The following VSIG4 variants were observed in gnomAD, a reference collection of about 807,000 sequenced individuals.
The protein encoded by VSIG4 is V-set and immunoglobulin domain containing 4, also known as V-set and immunoglobulin domain-containing protein 4.
In VSIG4, 34 loss-of-function variants were observed where a neutral mutation model predicts 23.4. The observed-to-expected ratio is 1.45, with a 90% CI of 1.10 to 1.93. VSIG4 has a LOEUF of 1.93. VSIG4 is among the 30% of genes most tolerant of loss of function. The pLI is 0.00. For synonymous variants in VSIG4, 169 were observed against 120.3 expected, an observed-to-expected ratio of 1.41 and a Z score of -2.65; for missense variants, 433 against 310.8, an observed-to-expected ratio of 1.39 and a Z score of -2.96.
intron 3 of VSIG4, among the ~76,000 whole-genome samples, chrX:66,029,131 C>T (rs1438931793): frequency 9.0e-6 from 1 of 111,178 alleles, no homozygotes; most frequent in East Asian, 2.8e-4. Flanking sequence ...CAGCATGCTC[C>T]GTTTTAGATG....
At chrX:66,030,419 C>A (rs769892542) in intron 3 of VSIG4, among the ~76,000 whole-genome samples, 7 of 111,295 alleles carry the variant, frequency 6.3e-5, no homozygotes, top group Non-Finnish European at 1.1e-4. Context: ...TGCATACTGA[C>A]ATATATACAT....
intron 3 of VSIG4, among the ~76,000 whole-genome samples, chrX:66,030,639 C>G (rs2085453828): frequency 9.1e-6 from 1 of 110,270 alleles, no homozygotes; most frequent in South Asian, 3.8e-4. Context: ...AGGGTCTGGA[C>G]CTTCTTACAG....
intron 6 of VSIG4, among the ~76,000 whole-genome samples, chrX:66,023,513 G>T (rs917022559): frequency 1.8e-5 from 2 of 112,457 alleles, no homozygotes; most frequent in Admixed American, 1.9e-4. Flanking sequence ...AAGTAAACAA[G>T]GGAAGCCACA....
chrX:66,036,723 AT>A (rs1426984270), intron 1 of VSIG4, among the ~76,000 whole-genome samples: 2 of 51,881 alleles, frequency 3.9e-5, no homozygotes, highest in Non-Finnish European at 3.1e-5. Flanking sequence ...TAATATATAT[AT>A]TATATAATTA....
At chrX:66,035,251 G>T (rs746762041) in intron 1 of VSIG4, among the ~76,000 whole-genome samples, 1 of 112,048 alleles carries the variant, frequency 8.9e-6, no homozygotes, top group Non-Finnish European at 1.9e-5. Context: ...GGAATGCTTC[G>T]AATTTGGCAG....
intron 1 of VSIG4, among the ~76,000 whole-genome samples, chrX:66,036,787 TA>T (rs1159461718): frequency 2.1e-4 from 8 of 38,792 alleles, no homozygotes; most frequent in East Asian, 9.7e-4. Context: ...TTATATTATA[TA>T]TAATATAATA....
intron 2 of VSIG4, 47 bp downstream of exon 2, chrX:66,033,427 A>G: frequency 9.3e-7 from 1 of 1,079,431 alleles, no homozygotes; most frequent in East Asian, 3.0e-5. Context: ...TACATCCACT[A>G]TTGATTCATT....
At chrX:66,029,537 T>C (rs1212939618) in intron 3 of VSIG4, among the ~76,000 whole-genome samples, 1 of 111,345 alleles carries the variant, frequency 9.0e-6, no homozygotes, top group Non-Finnish European at 1.9e-5. Context: ...CAATAAATAT[T>C]GAATAAGTTG....
intron 1 of VSIG4, among the ~76,000 whole-genome samples, chrX:66,034,775 G>T (rs985635347): frequency 7.3e-5 from 7 of 95,988 alleles, no homozygotes; most frequent in South Asian, 1.6e-3. Flanking sequence ...ATGGGGGTGG[G>T]GGTGGGGAAG....
At chrX:66,022,666 C>G in intron 7 of VSIG4, 166 bp from the exon 8 acceptor site, 1 of 1,127,227 alleles carries the variant, frequency 8.9e-7, no homozygotes, top group Non-Finnish European at 1.2e-6. Flanking sequence ...GTTCAGAGGG[C>G]CAAAACAACC....
chrX:66,038,600 C>T (rs1463058642), intron 1 of VSIG4, among the ~76,000 whole-genome samples: 1 of 111,506 alleles, frequency 9.0e-6, no homozygotes, highest in Non-Finnish European at 1.9e-5. Context: ...AGCCCTAGCT[C>T]AAACCAACAG....
rs193166928 is a variant in VSIG4 at position 66,036,520 on chromosome X, G to C, written c.56-2690C>G. On this transcript the variant is annotated intron_variant, in intron 1 of 7. Transcript: ENST00000374737. ...ACCACATATCTCTCTGTGTGACCTT[G>C]GGTAAATTACTAAACCTATCTGAAC... is the stretch of plus-strand genomic sequence containing the variant. Among the ~76,000 whole-genome samples the C allele has an allele frequency of 7.1e-3, 695 of 98,104 alleles. 7 individuals are homozygous for C. Among genetic ancestry groups the C allele is most frequent in the African/African-American group, 0.025 (665 of 26,641 alleles). The allele number at this position is 98,104 out of a possible 115,157, so 85.2% of individuals were successfully genotyped here. A position where few individuals can be genotyped will look rare whatever the true frequency, so the allele number is the denominator to read the frequency against.
chrX:66,027,063 G>A lies in VSIG4; in HGVS notation c.835+386C>T, dbSNP rs569907802. Reference sequence around the variant, plus strand: ...GAGGAATCAGAAATCAGCTTCAAGCGGCTTGAAGAGCCCTGGTTAAGAGCT... The same window carrying A: ...GAGGAATCAGAAATCAGCTTCAAGCAGCTTGAAGAGCCCTGGTTAAGAGCT... On this transcript the variant is annotated intron_variant, in intron 5 of 7. Transcript: ENST00000374737. Among the ~76,000 whole-genome samples the A allele has an allele frequency of 2.2e-4, 24 of 111,533 alleles. No homozygotes were observed. In the South Asian group the frequency reaches 4.9e-3, roughly 23 times the overall value.
At chrX:66,039,322 G>A (rs929532292) in intron 1 of VSIG4, among the ~76,000 whole-genome samples, 1 of 111,804 alleles carries the variant, frequency 8.9e-6, no homozygotes, top group African/African-American at 3.3e-5. Flanking sequence ...AAGAAGCAAA[G>A]CTGGGGTTTT....
At position 66,022,126 on chromosome X, in the gene VSIG4, G is replaced by T; in HGVS notation, c.*137C>A. ...TGGCAAATTCCAGGGCAAAGCCAGT[G>T]ACTCCCAGCGGCTCCAGTGTTGGTA... On this transcript the variant is annotated 3_prime_UTR_variant, in exon 8 of 8. Coordinates refer to ENST00000374737, the MANE Select transcript of VSIG4 (RefSeq NM_007268.3). 8.4e-7 allele frequency: 1 copy of T among 1,185,990 alleles called. No homozygotes were observed. Among genetic ancestry groups the T allele is most frequent in the South Asian group, 1.9e-5 (1 of 54,024 alleles).
rs1479382791 is a variant in VSIG4 at position 66,035,438 on chromosome X, C to G, written c.56-1608G>C. 2.7e-5 allele frequency among the ~76,000 whole-genome samples: 3 copies of G among 112,103 alleles called. No individual in the cohort carries two copies. In the Admixed American group the frequency reaches 2.8e-4, roughly 11 times the overall value. On this transcript the variant is annotated intron_variant, in intron 1 of 7. Transcript: ENST00000374737. ...CAGAGCTGTCTATGGATGGATTAAACTGTCTGGGGGAAGTTCTAGGCTTTG... is the reference window on the plus strand; with the variant it reads ...CAGAGCTGTCTATGGATGGATTAAAGTGTCTGGGGGAAGTTCTAGGCTTTG...
rs192610068 is a variant in VSIG4, at chrX:66,028,695, T to C, written c.695-583A>G. Among the ~76,000 whole-genome samples the C allele has an allele frequency of 7.6e-3, 823 of 108,838 alleles. 33 individuals are homozygous for C. The highest frequency in any genetic ancestry group is 0.069 in the Admixed American group (699 of 10,130). 94.5% of individuals were successfully genotyped at this position (108,838 alleles called of 115,157 possible). On this transcript the variant is annotated intron_variant, in intron 3 of 7. Coordinates refer to ENST00000374737, the MANE Select transcript of VSIG4 (RefSeq NM_007268.3). ...AGCTTTGTGCTGTTTTAACTTCTCCTAGTCCCCTTACCCCTTCTACCTCAG... is the reference window on the plus strand; with the variant it reads ...AGCTTTGTGCTGTTTTAACTTCTCCCAGTCCCCTTACCCCTTCTACCTCAG...
At chrX:66,039,847 C>G (rs1475350814) in intron 1 of VSIG4, 97 bp downstream of exon 1, 1 of 1,026,753 alleles carries the variant, frequency 9.7e-7, no homozygotes, top group East Asian at 3.2e-5. Flanking sequence ...CTCACCTGCC[C>G]AGTAGGAATA....
chrX:66,025,384 C>T (rs1054426460), intron 5 of VSIG4, among the ~76,000 whole-genome samples: 22 of 111,833 alleles, frequency 2.0e-4, no homozygotes, highest in Admixed American at 2.8e-4. Context: ...GTTGTCTATG[C>T]TTTCTATAGG....
Sources: gnomAD v4.1 joint callset for allele counts (sites outside exome capture counted in the v4.1 genomes callset) on GRCh38, gnomAD v4.1.1 for gene constraint, MANE v1.5 for transcripts, NCBI Gene and HGNC (gene_info 2026-07-23, HGNC 2026-07-21) for gene names.